ABCC8: variants seen among roughly 807,000 people sequenced by gnomAD.
ABCC8 encodes the protein ATP binding cassette subfamily C member 8.
ABCC8 carries 137 observed loss-of-function variants against 188.0 expected under a neutral mutation model. That is an observed-to-expected ratio of 0.73 (90% CI 0.63 to 0.84). The LOEUF is 0.84. Ranked by LOEUF, ABCC8 falls within the 40% of genes least tolerant of loss-of-function variation. The pLI is 0.00. For synonymous variants in ABCC8, 797 were observed against 846.5 expected (o/e 0.94, Z 1.01); for missense variants, 1,750 against 2,072.7 (o/e 0.84, Z 3.02).
At chr11:17,429,464 C>T (rs1321146121) in intron 12 of ABCC8, 1 of 152,306 alleles carries the variant, frequency 6.6e-6, no homozygotes, top group African/African-American at 2.4e-5. Flanking sequence ...GCCTCCCTCC[C>T]CCACAGGCGG....
chr11:17,393,017 C>A lies in ABCC8; in HGVS notation c.4720G>T (p.Ala1574Ser). 1 of 1,614,138 alleles carries A rather than the reference C, an allele frequency of 6.2e-7. No individual in the cohort carries two copies. The highest frequency in any genetic ancestry group is 8.5e-7 in the Non-Finnish European group (1 of 1,180,048). The change falls in exon 39 of 39, where the codon GCC becomes TCC. Residue 1574 changes from alanine to serine, a missense_variant. Physicochemically the swap from Ala to Ser is moderately conservative, Grantham distance 99. Coordinates refer to ENST00000389817, the MANE Select transcript of ABCC8 (RefSeq NM_000352.6). ...CACTTGTCTGCACGGACGAAGGAGG[C>A]GAAGACGCTGTCCTTCCGGCTGAGC... ...KLLSRKDSVF[A>S]SFVRADK is the part of the protein sequence containing the mutation.
At chr11:17,447,291 G>A (rs1348109305) in intron 8 of ABCC8, among the ~76,000 whole-genome samples, 1 of 152,184 alleles carries the variant, frequency 6.6e-6, no homozygotes, top group African/African-American at 2.4e-5. Flanking sequence ...CTCCGGGTGG[G>A]AGATGGGACA....
intron 29 of ABCC8, 53 bp from the exon 30 acceptor site, chr11:17,398,494 C>T: frequency 1.2e-6 from 2 of 1,608,250 alleles, no homozygotes; most frequent in Non-Finnish European, 1.7e-6. Context: ...CACATAGCTC[C>T]TAGGAGTCTC....
At chr11:17,432,458 T>C (rs1366556645) in intron 10 of ABCC8, 2 of 1,004,344 alleles carry the variant, frequency 2.0e-6, no homozygotes, top group Non-Finnish European at 2.8e-6. Context: ...GGCCCCCGAC[T>C]CTGGGGCTTA....
intron 8 of ABCC8, among the ~76,000 whole-genome samples, chr11:17,447,483 G>A (rs1956583518): frequency 6.6e-6 from 1 of 152,012 alleles, no homozygotes; most frequent in East Asian, 1.9e-4. Context: ...TGAAGTGCAG[G>A]GGCGTGATCA....
chr11:17,468,827 A>G (rs1163628288), intron 3 of ABCC8, among the ~76,000 whole-genome samples: 1 of 152,194 alleles, frequency 6.6e-6, no homozygotes, highest in African/African-American at 2.4e-5. Flanking sequence ...GAATGTAAGG[A>G]ACATGGCATG....
intron 10 of ABCC8, 138 bp from the exon 11 acceptor site, chr11:17,432,382 C>A: frequency 6.6e-7 from 1 of 1,509,584 alleles, no homozygotes; most frequent in South Asian, 1.3e-5. Flanking sequence ...AGGGGCAGAA[C>A]TCTAGCCCTG....
intron 9 of ABCC8, 78 bp from the exon 10 acceptor site, chr11:17,442,960 T>C: frequency 1.2e-6 from 2 of 1,602,818 alleles, no homozygotes; most frequent in Admixed American, 3.3e-5. Flanking sequence ...GTGTCAATAC[T>C]GTCACTGCCA....
At chr11:17,416,088 T>C (rs1356709225) in intron 17 of ABCC8, among the ~76,000 whole-genome samples, 6 of 152,146 alleles carry the variant, frequency 3.9e-5, no homozygotes, top group East Asian at 1.9e-4. Context: ...ATACTGACAG[T>C]TGGGGACAAG....
chr11:17,396,074 A>C, intron 33 of ABCC8, 144 bp from the exon 34 acceptor site: 1 of 1,501,246 alleles, frequency 6.7e-7, no homozygotes, highest in African/African-American at 1.4e-5. Context: ...CTCTTTGGAC[A>C]CCACAGGTTT....
intron 10 of ABCC8, among the ~76,000 whole-genome samples, chr11:17,440,783 C>T (rs530425307): frequency 3.8e-4 from 58 of 152,246 alleles, no homozygotes; most frequent in Non-Finnish European, 4.3e-4. Flanking sequence ...CTGGGGTATT[C>T]ATGGCCAGCC....
intron 8 of ABCC8, among the ~76,000 whole-genome samples, chr11:17,446,558 C>A (rs1372323864): frequency 1.3e-5 from 2 of 152,204 alleles, no homozygotes; most frequent in Non-Finnish European, 2.9e-5. Context: ...AGACTACAGG[C>A]ATGAGCCACC....
Position 17,407,131 on chromosome 11 carries a change from T to C in ABCC8, c.2921-2A>G. ...CCTCCTCGCTCTCAGCTGCCTCCTC[T>C]GCAGGCCGCAAGAACCCACTCTGTG... On this transcript the variant is annotated splice_acceptor_variant, in intron 24 of 38. Coordinates refer to ENST00000389817, the MANE Select transcript of ABCC8 (RefSeq NM_000352.6). LOFTEE classifies it high-confidence loss of function. 6.2e-7 allele frequency: 1 copy of C among 1,610,632 alleles called. No individual in the cohort carries two copies. Among genetic ancestry groups the C allele is most frequent in the Non-Finnish European group, 8.5e-7 (1 of 1,179,232 alleles).
At chr11:17,461,368 G>A (rs1957182152) in intron 5 of ABCC8, 3 of 634,432 alleles carry the variant, frequency 4.7e-6, no homozygotes, top group Non-Finnish European at 5.5e-6. Flanking sequence ...CGACCTAAAC[G>A]GTAAGGGCCA....
chr11:17,420,271 C>G (rs1292343663), intron 16 of ABCC8, among the ~76,000 whole-genome samples: 2 of 152,216 alleles, frequency 1.3e-5, no homozygotes, highest in Non-Finnish European at 2.9e-5. Flanking sequence ...ATTGCCAAAT[C>G]TCTGAGACAG....
chr11:17,449,216 G>T (rs563501504), intron 7 of ABCC8, among the ~76,000 whole-genome samples: 2 of 152,236 alleles, frequency 1.3e-5, no homozygotes, highest in African/African-American at 4.8e-5. Context: ...ATGAGCCACC[G>T]CACCCGGTCT....
chr11:17,398,297 AC>A (rs763187143), intron 30 of ABCC8, 41 bp downstream of exon 30: 1 of 1,610,126 alleles, frequency 6.2e-7, no homozygotes, highest in Admixed American at 1.7e-5. Context: ...CTCTGGCCCC[AC>A]CCTCCTATCA....
chr11:17,395,594 G>C lies in ABCC8; in HGVS notation c.4307+16C>G, dbSNP rs1351602970. 1 of 1,547,184 alleles carries C rather than the reference G, an allele frequency of 6.5e-7. No individual in the cohort carries two copies. Among genetic ancestry groups the C allele is most frequent in the Non-Finnish European group, 8.7e-7 (1 of 1,147,344 alleles). Reference sequence around the variant, plus strand: ...CGGCCTGGGGCTGGGTGGGCCTGAGGGGTGGTGGGGCTCACCGGATGGTGC... The same window carrying C: ...CGGCCTGGGGCTGGGTGGGCCTGAGCGGTGGTGGGGCTCACCGGATGGTGC... On this transcript the variant is annotated intron_variant, in intron 35 of 38. Coordinates refer to ENST00000389817, the MANE Select transcript of ABCC8 (RefSeq NM_000352.6).
chr11:17,431,978 T>C (rs1274645516), intron 11 of ABCC8, among the ~76,000 whole-genome samples: 1 of 152,232 alleles, frequency 6.6e-6, no homozygotes, highest in Non-Finnish European at 1.5e-5. Flanking sequence ...TTAATTTCTC[T>C]AAATACTAAG....
Sources: gnomAD v4.1 joint callset for allele counts (sites outside exome capture counted in the v4.1 genomes callset) on GRCh38, gnomAD v4.1.1 for gene constraint, MANE v1.5 for transcripts, NCBI Gene and HGNC (gene_info 2026-07-23, HGNC 2026-07-21) for gene names.